The following LIPJ variants were observed in gnomAD, a reference collection of about 807,000 sequenced individuals.
LIPJ encodes the protein lipase member J.
Under a neutral mutation model 39.8 loss-of-function variants are expected in LIPJ, and 33 were observed. The ratio of observed to expected loss-of-function variants is 0.83; its 90% CI spans 0.63 to 1.11. The LOEUF is 1.11. LIPJ is among the 50% of genes least tolerant of loss of function. The pLI is 0.00. For missense variants in LIPJ, 422 were observed against 427.9 expected (o/e 0.99, Z 0.12); for synonymous variants, 128 against 139.2 (o/e 0.92, Z 0.57).
the LIPJ span, among the ~76,000 whole-genome samples, chr10:88,613,800 A>ATATATGTGTGTGTGTGTGTG: frequency 2.7e-5 from 2 of 74,156 alleles, no homozygotes; most frequent in African/African-American, 9.6e-5. Flanking sequence ...ATATATATAT[A>ATATATGTGTGTGTGTGTGTG]TGTGTGTGTG....
downstream of LIPJ, among the ~76,000 whole-genome samples, chr10:88,610,689 T>C (rs1035075939): frequency 6.6e-6 from 1 of 152,226 alleles, no homozygotes; most frequent in African/African-American, 2.4e-5. Flanking sequence ...TAAAAAGATG[T>C]CTACATCCAT....
At chr10:88,616,892 AG>A in the LIPJ span, among the ~76,000 whole-genome samples, 1 of 152,202 alleles carries the variant, frequency 6.6e-6, no homozygotes, top group South Asian at 2.1e-4. Context: ...CTGTGAAAAC[AG>A]GACATGGAGG....
intron 8 of LIPJ, among the ~76,000 whole-genome samples, chr10:88,602,269 T>C (rs1851511501): frequency 6.6e-6 from 1 of 152,148 alleles, no homozygotes; most frequent in Admixed American, 6.6e-5. Flanking sequence ...GTTAGTTCTT[T>C]AATGCTTTCA....
intron 8 of LIPJ, among the ~76,000 whole-genome samples, chr10:88,598,958 ATATAATATAT>A (rs1033559731): frequency 2.5e-4 from 10 of 39,378 alleles, no homozygotes; most frequent in East Asian, 6.1e-4. Context: ...GTATTTAATA[ATATAATATAT>A]TATATTATTA....
intron 7 of LIPJ, 141 bp from the exon 8 acceptor site, chr10:88,596,649 T>C: frequency 1.1e-6 from 1 of 898,088 alleles, no homozygotes; most frequent in Non-Finnish European, 1.7e-6. Flanking sequence ...CACACCCTGC[T>C]TCCAAGTTTT....
rs1850997169 is a variant in LIPJ at position 88,588,924 on chromosome 10, TAGG to T, written c.-104+1535_-104+1537del. Among the ~76,000 whole-genome samples the T allele has an allele frequency of 2.6e-5, 4 of 151,924 alleles. No homozygotes were observed. The South Asian group carries it at 8.3e-4, about 31-fold the overall frequency. ...TTAAACATTTCCCATTGGTGGTTATTAGGAGTACCACAACTATATATCAAAGGC... is the reference window on the plus strand; with the variant it reads ...TTAAACATTTCCCATTGGTGGTTATTAGTACCACAACTATATATCAAAGGC... On this transcript the variant is annotated intron_variant, in intron 2 of 10. Transcript: ENST00000371939.
chr10:88,613,147 C>T, the LIPJ span, among the ~76,000 whole-genome samples: 1 of 152,222 alleles, frequency 6.6e-6, no homozygotes, highest in African/African-American at 2.4e-5. Flanking sequence ...GAGGATTTAG[C>T]TGGTATAGAA....
At chr10:88,609,793 G>C (rs1162199822), downstream of LIPJ, among the ~76,000 whole-genome samples, 3 of 151,880 alleles carry the variant, frequency 2.0e-5, no homozygotes, top group African/African-American at 7.3e-5. Flanking sequence ...CAGCTACTCG[G>C]GAGGCTGAGG....
chr10:88,596,628 C>T (rs1417965001), intron 7 of LIPJ, among the ~76,000 whole-genome samples, 162 bp from the exon 8 acceptor site: 1 of 151,686 alleles, frequency 6.6e-6, no homozygotes, highest in Non-Finnish European at 1.5e-5. Flanking sequence ...ATTCAGTGGC[C>T]AAACCATCTC....
chr10:88,620,420 T>C, the LIPJ span, among the ~76,000 whole-genome samples: 5 of 152,322 alleles, frequency 3.3e-5, no homozygotes, highest in African/African-American at 1.2e-4. Flanking sequence ...AGATCAAAGA[T>C]AACAGAAAAC....
the LIPJ span, among the ~76,000 whole-genome samples, chr10:88,620,382 A>G: frequency 6.6e-6 from 1 of 152,224 alleles, no homozygotes. Flanking sequence ...TTATATTATT[A>G]TGATTATGAA....
chr10:88,594,090 G>T (rs1420223224), exon 5 of LIPJ: 4 of 1,611,604 alleles, frequency 2.5e-6, no homozygotes, highest in Non-Finnish European at 3.4e-6. Flanking sequence ...GGAAATACCT[G>T]GTCCAGGAAA....
downstream of LIPJ, chr10:88,607,115 A>T (rs1342400021): frequency 5.0e-6 from 2 of 399,162 alleles, no homozygotes; most frequent in Non-Finnish European, 8.4e-6. Flanking sequence ...TCAATCTAAG[A>T]AGCCTGTTGA....
At chr10:88,589,560 T>C (rs527505526) in intron 2 of LIPJ, among the ~76,000 whole-genome samples, 8 of 151,964 alleles carry the variant, frequency 5.3e-5, no homozygotes, top group South Asian at 2.1e-4. Flanking sequence ...AGTTAGAAAG[T>C]GTTTTTTTAA....
chr10:88,613,770 GTATATATA>G, the LIPJ span, among the ~76,000 whole-genome samples: 484 of 75,528 alleles, frequency 6.4e-3, 8 homozygotes, highest in Middle Eastern at 0.051. Context: ...ATGTGTGTGT[GTATATATA>G]TATATATATA....
intron 9 of LIPJ, among the ~76,000 whole-genome samples, chr10:88,603,959 T>TA (rs2134582053): frequency 6.6e-6 from 1 of 152,336 alleles, no homozygotes; most frequent in East Asian, 1.9e-4. Flanking sequence ...GTATACCTAC[T>TA]ATGTCCCTAT....
At chr10:88,584,599 T>G (rs1479871193), upstream of LIPJ, 1 of 152,020 alleles carries the variant, frequency 6.6e-6, no homozygotes, top group Non-Finnish European at 1.5e-5. Context: ...ATTTGTTGAG[T>G]TTTTTGTTTT....
chr10:88,615,014 C>A, the LIPJ span, among the ~76,000 whole-genome samples: 1 of 152,008 alleles, frequency 6.6e-6, no homozygotes, highest in Non-Finnish European at 1.5e-5. Context: ...TACACTATAA[C>A]AATAATTCAG....
intron 2 of LIPJ, among the ~76,000 whole-genome samples, chr10:88,588,564 C>T (rs1304250814): frequency 6.6e-6 from 1 of 151,732 alleles, no homozygotes; most frequent in Non-Finnish European, 1.5e-5. Context: ...TTCCATTCAG[C>T]ATGATATGGA....
Sources: allele counts gnomAD v4.1 joint callset (sites outside exome capture counted in the v4.1 genomes callset), GRCh38; gene constraint gnomAD v4.1.1; transcripts MANE v1.5; gene names NCBI Gene and HGNC (gene_info 2026-07-23, HGNC 2026-07-21).